The following TCF4 variants were observed in gnomAD, a reference collection of about 807,000 sequenced individuals.
The protein encoded by TCF4 is SL3-3 enhancer factor 2.
Under a neutral mutation model 82.1 loss-of-function variants are expected in TCF4, and 3 were observed. The observed-to-expected ratio is 0.04, with a 90% CI of 0.02 to 0.09. The LOEUF (loss-of-function observed/expected upper bound fraction) is 0.09, where lower values mean the gene tolerates loss of function less well. Among genes scored for constraint, TCF4 ranks in the 10% least tolerant of loss-of-function variants. The pLI is 1.00. For missense variants in TCF4, 518 were observed against 852.7 expected (o/e 0.61, Z 4.89); for synonymous variants, 276 against 309.6 (o/e 0.89, Z 1.14).
intron 8 of TCF4, among the ~76,000 whole-genome samples, chr18:55,284,960 G>A (rs899273916): frequency 3.3e-5 from 5 of 152,184 alleles, no homozygotes; most frequent in Admixed American, 2.6e-4. Flanking sequence ...ATACTTGTAG[G>A]TGATTAGCTT....
At chr18:55,609,714 ACT>A (rs773292725) in intron 2 of TCF4, among the ~76,000 whole-genome samples, 1 of 152,042 alleles carries the variant, frequency 6.6e-6, no homozygotes, top group Non-Finnish European at 1.5e-5. Flanking sequence ...GCCACTTTAG[ACT>A]CTGCATTTTC....
intron 3 of TCF4, among the ~76,000 whole-genome samples, chr18:55,563,196 A>C (rs190231640): frequency 6.8e-6 from 1 of 146,352 alleles, no homozygotes; most frequent in Non-Finnish European, 1.5e-5. Flanking sequence ...CCGTGATCAC[A>C]CCACTGCACT....
At chr18:55,578,503 T>C (rs2097548757) in intron 3 of TCF4, among the ~76,000 whole-genome samples, 1 of 152,114 alleles carries the variant, frequency 6.6e-6, no homozygotes, top group Non-Finnish European at 1.5e-5. Context: ...AATTATTTAC[T>C]TGAAAAACAA....
chr18:55,354,392 T>C (rs752456040), intron 6 of TCF4, among the ~76,000 whole-genome samples: 1 of 152,202 alleles, frequency 6.6e-6, no homozygotes, highest in Non-Finnish European at 1.5e-5. Flanking sequence ...AGAATGTCTT[T>C]CGAACACATT....
intron 5 of TCF4, among the ~76,000 whole-genome samples, chr18:55,422,701 G>A (rs985566784): frequency 1.3e-5 from 2 of 151,952 alleles, no homozygotes; most frequent in Non-Finnish European, 2.9e-5. Flanking sequence ...AATTGTGAGC[G>A]GAATGAAACC....
chr18:55,376,433 A>G (rs1159182662), intron 6 of TCF4, among the ~76,000 whole-genome samples: 1 of 152,180 alleles, frequency 6.6e-6, no homozygotes, highest in Non-Finnish European at 1.5e-5. Flanking sequence ...GCCACTGGGG[A>G]GTGCCTGAAA....
intron 11 of TCF4, chr18:55,267,882 T>C (rs1305436846): frequency 2.6e-5 from 4 of 152,150 alleles, no homozygotes; most frequent in Non-Finnish European, 5.9e-5. Context: ...TAAGGCCCTA[T>C]GGTTTTTAAC....
intron 3 of TCF4, among the ~76,000 whole-genome samples, chr18:55,540,532 C>T (rs547918119): frequency 6.6e-6 from 1 of 151,782 alleles, no homozygotes; most frequent in Non-Finnish European, 1.5e-5. Context: ...CCACAGTTTG[C>T]CTAATCAAGA....
At chr18:55,339,794 A>G (rs920769780) in intron 8 of TCF4, among the ~76,000 whole-genome samples, 1 of 152,196 alleles carries the variant, frequency 6.6e-6, no homozygotes, top group Non-Finnish European at 1.5e-5. Flanking sequence ...ATGATCAAAA[A>G]TACCTTTTCT....
intron 3 of TCF4, among the ~76,000 whole-genome samples, chr18:55,554,127 T>C (rs1392568929): frequency 2.6e-5 from 4 of 152,112 alleles, no homozygotes; most frequent in Non-Finnish European, 4.4e-5. Context: ...GTCAGCATAG[T>C]ATATTGAGAT....
chr18:55,498,485 T>C (rs1163124473), intron 3 of TCF4, among the ~76,000 whole-genome samples: 1 of 152,222 alleles, frequency 6.6e-6, no homozygotes, highest in Non-Finnish European at 1.5e-5. Flanking sequence ...TGTCAGTTTC[T>C]TGAGAAAGCC....
chr18:55,479,406 T>A (rs891618632), intron 3 of TCF4: 2 of 154,004 alleles, frequency 1.3e-5, no homozygotes, highest in African/African-American at 4.8e-5. Flanking sequence ...GCCTCTGGTG[T>A]AACCCTCTGT....
chr18:55,573,644 ACTC>A (rs1310142971), intron 3 of TCF4, among the ~76,000 whole-genome samples: 1 of 151,686 alleles, frequency 6.6e-6, no homozygotes, highest in Non-Finnish European at 1.5e-5. Flanking sequence ...CATCCACTTA[ACTC>A]CTCCTCATCT....
intron 6 of TCF4, among the ~76,000 whole-genome samples, chr18:55,396,979 C>T (rs1344998586): frequency 6.6e-6 from 1 of 152,152 alleles, no homozygotes; most frequent in Admixed American, 6.5e-5. Flanking sequence ...AGTTTGAAGT[C>T]TTCAGTTGAA....
intron 5 of TCF4, among the ~76,000 whole-genome samples, chr18:55,446,458 G>A (rs1482287565): frequency 6.6e-6 from 1 of 152,172 alleles, no homozygotes; most frequent in Non-Finnish European, 1.5e-5. Context: ...AGGAGGCAAT[G>A]CAGTGGTGGG....
chr18:55,234,607 T>A lies in TCF4; in HGVS notation c.1427A>T (p.Gln476Leu), dbSNP rs747411019. 6.2e-7 allele frequency: 1 copy of A among 1,614,094 alleles called. No homozygotes were observed. Among genetic ancestry groups the A allele is most frequent in the East Asian group, 2.2e-5 (1 of 44,872 alleles). ...GGAAGTCGCAGACTGGACAGGAAGC[T>A]GTGGAACCGGAACCTGGTTTGGCAG... Reference protein sequence around the residue: ...SLLPNQVPVPQLPVQSATSPD... With the variant: ...SLLPNQVPVPLLPVQSATSPD... Residue 476 changes from glutamine (Q) to leucine (L), a missense_variant, in exon 16 of 20, where the codon CAG becomes CTG. This residue lies in a region of TCF4 where 144 missense variants were observed against 190.2 expected (regional missense o/e 0.76). Coordinates refer to ENST00000354452, the MANE Select transcript of TCF4 (RefSeq NM_001083962.2).
chr18:55,547,662 T>C (rs1164634793), intron 3 of TCF4, among the ~76,000 whole-genome samples: 2 of 152,202 alleles, frequency 1.3e-5, no homozygotes, highest in Non-Finnish European at 2.9e-5. Flanking sequence ...TAATACTTCC[T>C]AGGCCATCTT....
rs1260682822 is a variant in TCF4, at chr18:55,223,068, C to A, written c.*4967G>T. Reference sequence around the variant, plus strand: ...GAGAATGTTCTGCCAAACAGCCGACCAACTGGTGCAAAAGGTTAAGGCTGA... The same window carrying A: ...GAGAATGTTCTGCCAAACAGCCGACAAACTGGTGCAAAAGGTTAAGGCTGA... On this transcript the variant is annotated 3_prime_UTR_variant, in exon 20 of 20. Transcript: ENST00000354452. 3 of 152,182 alleles carry A rather than the reference C, an allele frequency of 2.0e-5. No individual in the cohort carries two copies. The East Asian group carries it at 5.8e-4, about 29-fold the overall frequency. The allele number at this position is 152,182 out of a possible 1,614,324, so 9.4% of individuals were successfully genotyped here.
At chr18:55,577,931 G>A (rs908770108) in intron 3 of TCF4, among the ~76,000 whole-genome samples, 5 of 152,058 alleles carry the variant, frequency 3.3e-5, no homozygotes, top group Admixed American at 3.3e-4. Context: ...TAATGGAAAT[G>A]CTGACAGGCC....
Sources: allele counts gnomAD v4.1 joint callset (sites outside exome capture counted in the v4.1 genomes callset), GRCh38; gene constraint gnomAD v4.1.1; regional missense constraint gnomAD v4.1.1; transcripts MANE v1.5; gene names NCBI Gene and HGNC (gene_info 2026-07-23, HGNC 2026-07-21).